The following XIRP2 variants were observed in gnomAD, a reference collection of about 807,000 sequenced individuals.
The protein encoded by XIRP2 is xin actin binding repeat containing 2.
A neutral mutation model predicts 277.0 loss-of-function variants in XIRP2; 236 were observed. That is an observed-to-expected ratio of 0.85 (90% confidence interval 0.77 to 0.95). The LOEUF (loss-of-function observed/expected upper bound fraction) is 0.95. XIRP2 is among the 40% of genes least tolerant of loss of function. The pLI, the probability that XIRP2 is intolerant of heterozygous loss-of-function variation, is 0.00. For synonymous variants in XIRP2, 1,490 were observed against 1,416.5 expected (o/e 1.05, Z -1.17); for missense variants, 4,640 against 4,157.5 (o/e 1.12, Z -3.19).
intron 2 of XIRP2, among the ~76,000 whole-genome samples, chr2:167,002,993 A>G (rs1165899202): frequency 2.0e-5 from 3 of 151,948 alleles, no homozygotes; most frequent in Non-Finnish European, 4.4e-5. Flanking sequence ...TTTGCATATT[A>G]CTCAGAACCA....
At chr2:167,241,503 G>A (rs546628946) in intron 7 of XIRP2, among the ~76,000 whole-genome samples, 27 of 152,178 alleles carry the variant, frequency 1.8e-4, no homozygotes, top group Non-Finnish European at 3.7e-4. Context: ...AATGCCATAT[G>A]CATGCTTGTA....
intron 2 of XIRP2, among the ~76,000 whole-genome samples, chr2:166,909,557 T>G (rs1389610015): frequency 6.6e-6 from 1 of 152,240 alleles, no homozygotes; most frequent in Non-Finnish European, 1.5e-5. Flanking sequence ...TCAGGTCATC[T>G]GCAAACAGGG....
chr2:167,051,178 G>A (rs547359115), intron 2 of XIRP2, among the ~76,000 whole-genome samples: 54 of 152,060 alleles, frequency 3.6e-4, no homozygotes, highest in Admixed American at 1.3e-3. Flanking sequence ...AGAATTTCAC[G>A]AAGCCATCTG....
chr2:167,201,864 C>T (rs549474643), intron 3 of XIRP2, among the ~76,000 whole-genome samples: 11 of 152,184 alleles, frequency 7.2e-5, no homozygotes, highest in South Asian at 2.1e-4. Flanking sequence ...AATATATTTA[C>T]GTAAGAGACT....
chr2:167,144,250 C>T (rs1273426761), intron 3 of XIRP2, among the ~76,000 whole-genome samples: 1 of 151,944 alleles, frequency 6.6e-6, no homozygotes, highest in Non-Finnish European at 1.5e-5. Context: ...CTATTTTTGG[C>T]TCTTTTTCTA....
At chr2:166,934,627 C>T (rs1685440552) in intron 2 of XIRP2, among the ~76,000 whole-genome samples, 1 of 152,170 alleles carries the variant, frequency 6.6e-6, no homozygotes. Flanking sequence ...ACACAAGGCA[C>T]ATACAAATAA....
At chr2:167,060,836 A>G (rs1374945426) in intron 2 of XIRP2, among the ~76,000 whole-genome samples, 4 of 152,040 alleles carry the variant, frequency 2.6e-5, no homozygotes, top group Non-Finnish European at 5.9e-5. Context: ...TGCTTTTTCA[A>G]TTTTGCCTTG....
At chr2:167,145,547 T>G (rs1217887155) in intron 3 of XIRP2, among the ~76,000 whole-genome samples, 2 of 152,122 alleles carry the variant, frequency 1.3e-5, no homozygotes, top group Non-Finnish European at 2.9e-5. Context: ...TGATCCTTTA[T>G]TAATATGAAA....
At position 167,242,860 on chromosome 2, in the gene XIRP2, T is replaced by C; in HGVS notation, c.1468T>C (p.Ser490Pro). The change falls in exon 9 of 11, where the codon TCC (serine) becomes CCC (proline). Residue 490 changes from serine (S) to proline (P), a missense_variant. Physicochemically the swap from Ser to Pro is moderately conservative, Grantham distance 74 (BLOSUM62 -1). Transcript: ENST00000409195. ...ACTACCAGTCCCCAAAGATGTATAT[T>C]CCAAGCAAAGAAATTTGTATGAATT... ...RRLPVPKDVY[S>P]KQRNLYELNR... The C allele has an allele frequency of 6.2e-7, 1 of 1,614,062 alleles. No homozygotes were observed. Among genetic ancestry groups the C allele is most frequent in the South Asian group, 1.1e-5 (1 of 91,080 alleles).
At chr2:167,019,171 G>C (rs546095482) in intron 2 of XIRP2, among the ~76,000 whole-genome samples, 1 of 151,942 alleles carries the variant, frequency 6.6e-6, no homozygotes, top group Non-Finnish European at 1.5e-5. Flanking sequence ...TCTACTTCCT[G>C]TGACTGTTAG....
At chr2:167,174,418 T>G (rs552135036) in intron 3 of XIRP2, among the ~76,000 whole-genome samples, 1 of 152,218 alleles carries the variant, frequency 6.6e-6, no homozygotes, top group Admixed American at 6.5e-5. Context: ...GTTTATAATA[T>G]TCTCTGATGG....
At chr2:166,893,012 C>T (rs1558905815) in intron 1 of XIRP2, among the ~76,000 whole-genome samples, 1 of 130,638 alleles carries the variant, frequency 7.7e-6, no homozygotes, top group African/African-American at 2.7e-5. Flanking sequence ...ACACACAACA[C>T]CACCAGAGGG....
intron 3 of XIRP2, among the ~76,000 whole-genome samples, chr2:167,152,945 T>A (rs1692058501): frequency 1.3e-5 from 2 of 152,054 alleles, no homozygotes; most frequent in Admixed American, 1.3e-4. Context: ...CTTTGGCTGC[T>A]CCCCCAAATG....
chr2:167,143,923 A>C (rs1691795633), intron 3 of XIRP2, among the ~76,000 whole-genome samples: 1 of 152,142 alleles, frequency 6.6e-6, no homozygotes, highest in African/African-American at 2.4e-5. Flanking sequence ...AAAATATTTG[A>C]AGTTTTTAAT....
At chr2:167,170,674 T>A (rs536149896) in intron 3 of XIRP2, among the ~76,000 whole-genome samples, 19 of 152,214 alleles carry the variant, frequency 1.2e-4, no homozygotes, top group African/African-American at 4.3e-4. Context: ...GTCCTACTAC[T>A]GATAATTTCT....
At chr2:167,183,952 A>G (rs183727438) in intron 3 of XIRP2, among the ~76,000 whole-genome samples, 95 of 152,168 alleles carry the variant, frequency 6.2e-4, no homozygotes, top group Middle Eastern at 3.4e-3. Flanking sequence ...TTTTTTGAGA[A>G]TCCGTGAGAT....
At chr2:167,046,536 T>G in intron 2 of XIRP2, among the ~76,000 whole-genome samples, 1 of 151,970 alleles carries the variant, frequency 6.6e-6, no homozygotes, top group Admixed American at 6.6e-5. Context: ...TGCCCATCAG[T>G]GGTGGACTGC....
chr2:167,137,946 C>T (rs1432584824), intron 3 of XIRP2, among the ~76,000 whole-genome samples: 1 of 152,152 alleles, frequency 6.6e-6, no homozygotes, highest in Non-Finnish European at 1.5e-5. Flanking sequence ...CAAGAATGAA[C>T]TATTTTAATA....
At chr2:166,912,524 G>A (rs1478071590) in intron 2 of XIRP2, among the ~76,000 whole-genome samples, 3 of 152,022 alleles carry the variant, frequency 2.0e-5, no homozygotes, top group Admixed American at 2.0e-4. Flanking sequence ...CTTTTTTCAA[G>A]GTTTTTATCT....
Sources: allele counts gnomAD v4.1 joint callset (sites outside exome capture counted in the v4.1 genomes callset), GRCh38; gene constraint gnomAD v4.1.1; transcripts MANE v1.5; gene names NCBI Gene and HGNC (gene_info 2026-07-23, HGNC 2026-07-21).